VAV2: variants seen among roughly 807,000 people sequenced by gnomAD.
VAV2 encodes vav guanine nucleotide exchange factor 2.
Under a neutral mutation model 132.5 loss-of-function variants are expected in VAV2, and 67 were observed. That is an observed-to-expected ratio of 0.51 (90% confidence interval 0.42 to 0.62). The LOEUF (loss-of-function observed/expected upper bound fraction) is 0.62, where lower values mean the gene tolerates loss of function less well. Ranked by LOEUF, VAV2 falls within the 20% of genes least tolerant of loss-of-function variation. VAV2 has a pLI of 0.00. For missense variants in VAV2, 938 were observed against 1,153.6 expected (o/e 0.81, Z 2.71); for synonymous variants, 492 against 443.5 (o/e 1.11, Z -1.37).
intron 2 of VAV2, among the ~76,000 whole-genome samples, chr9:133,893,783 G>A (rs1309189452): frequency 6.6e-6 from 1 of 152,212 alleles, no homozygotes; most frequent in Non-Finnish European, 1.5e-5. Flanking sequence ...CAGCATCGCA[G>A]CAAGTGGCAG....
rs1350326184 is a variant in VAV2, at chr9:133,824,182, A to C, written c.449+10090T>G. On this transcript the variant is annotated intron_variant, in intron 4 of 29. Coordinates refer to ENST00000371850, the MANE Select transcript of VAV2 (RefSeq NM_001134398.2). This position sits in a 1 kb window ranked among gnomAD's most constrained non-coding sequence, Gnocchi z 5.2. ...GTCTCCACAGCCAGCCCCACAGGGA[A>C]GTGCTGATGGCTCTGTTAACAGGGA... 6.6e-6 allele frequency among the ~76,000 whole-genome samples: 1 copy of C among 152,090 alleles called. No individual in the cohort carries two copies. Among genetic ancestry groups the C allele is most frequent in the Non-Finnish European group, 1.5e-5 (1 of 68,002 alleles).
rs549641311 is a variant in VAV2, at chr9:133,803,983, C to T, written c.836+2098G>A. ...CACGTCCTCCGCTGTGCAGCCCTCACGGGTCTCCTGGGCTCTCCAGCAACG... is the reference window on the plus strand; with the variant it reads ...CACGTCCTCCGCTGTGCAGCCCTCATGGGTCTCCTGGGCTCTCCAGCAACG... On this transcript the variant is annotated intron_variant, in intron 9 of 29. Transcript: ENST00000371850. Among the ~76,000 whole-genome samples, 6 of 152,274 alleles carry T rather than the reference C, an allele frequency of 3.9e-5. No individual in the cohort carries two copies. The South Asian group carries it at 6.2e-4, about 16-fold the overall frequency.
At chr9:133,892,626 G>T (rs1002939140) in intron 2 of VAV2, among the ~76,000 whole-genome samples, 1 of 152,126 alleles carries the variant, frequency 6.6e-6, no homozygotes, top group Non-Finnish European at 1.5e-5. Context: ...CTCCGTGCCT[G>T]AATCGGGCGT....
In VAV2 at chr9:133,919,873, C is replaced by T. The variant is rs532747092; in HGVS notation, c.321+19230G>A. On this transcript the variant is annotated intron_variant, in intron 2 of 29. Transcript: ENST00000371850. This position sits in a 1 kb window ranked among gnomAD's most constrained non-coding sequence, Gnocchi z 5.8. The stretch of plus-strand genomic sequence containing the variant: ...ACCCACCACCCAACCGCATGTCCTC[C>T]GCGGAGCCCAGAGTCAGTTCTGCTG... 1.2e-4 allele frequency among the ~76,000 whole-genome samples: 19 copies of T among 152,296 alleles called. No homozygotes were observed. In the South Asian group the frequency reaches 1.5e-3, roughly 12 times the overall value.
Position 133,823,903 on chromosome 9 carries a change from G to A in VAV2, c.449+10369C>T, listed in dbSNP as rs1235510597. ...AATGCGGAGCGGGCAGGGTGGTCAC[G>A]CGCACCTGCTCTGCGTGCGTCAGAG... is the stretch of plus-strand genomic sequence containing the variant. On this transcript the variant is annotated intron_variant, in intron 4 of 29. Coordinates refer to ENST00000371850, the MANE Select transcript of VAV2 (RefSeq NM_001134398.2). The surrounding 1 kb of genome is among the most constrained non-coding windows in gnomAD (Gnocchi z 5.5). Among the ~76,000 whole-genome samples the A allele has an allele frequency of 2.0e-5, 3 of 152,150 alleles. No individual in the cohort carries two copies. The highest frequency in any genetic ancestry group is 2.9e-5 in the Non-Finnish European group (2 of 68,020).
At chr9:133,896,973 A>G (rs1273905523) in intron 2 of VAV2, among the ~76,000 whole-genome samples, 2 of 152,014 alleles carry the variant, frequency 1.3e-5, no homozygotes, top group African/African-American at 2.4e-5. Context: ...GGGCGCCTGT[A>G]GTCCCAGCTA....
intron 2 of VAV2, among the ~76,000 whole-genome samples, chr9:133,906,532 C>A (rs1839660434): frequency 6.6e-6 from 1 of 152,206 alleles, no homozygotes; most frequent in Non-Finnish European, 1.5e-5. Context: ...GACGTGGGAG[C>A]CACTGGGCCC....
chr9:133,880,803 C>T (rs1247783550), intron 2 of VAV2, among the ~76,000 whole-genome samples: 2 of 152,228 alleles, frequency 1.3e-5, no homozygotes, highest in Non-Finnish European at 2.9e-5. Flanking sequence ...TCTAAAACTG[C>T]TCTAAAATAT....
intron 6 of VAV2, 118 bp from the exon 7 acceptor site, chr9:133,809,256 G>T: frequency 1.3e-6 from 1 of 795,962 alleles, no homozygotes; most frequent in Non-Finnish European, 2.1e-6. Context: ...GTTTGGCCAC[G>T]AGGTCACTGA....
intron 3 of VAV2, among the ~76,000 whole-genome samples, chr9:133,841,949 T>G (rs996748096): frequency 7.0e-6 from 1 of 143,006 alleles, no homozygotes; most frequent in African/African-American, 2.9e-5. Flanking sequence ...TGGATCACAA[T>G]TGGAAAAGCG....
intron 15 of VAV2, among the ~76,000 whole-genome samples, chr9:133,787,774 C>A (rs113352719): frequency 2.6e-5 from 4 of 152,260 alleles, no homozygotes; most frequent in African/African-American, 9.6e-5. Context: ...TGGCCCCACC[C>A]GCTGGCAGCC....
chr9:133,920,715 CTG>C (rs1331383979), intron 2 of VAV2, among the ~76,000 whole-genome samples: 2 of 152,054 alleles, frequency 1.3e-5, no homozygotes, highest in Non-Finnish European at 1.5e-5. Context: ...GCGGGGGATG[CTG>C]TCTGTCACTG....
At chr9:133,878,765 G>A (rs902345315) in intron 2 of VAV2, among the ~76,000 whole-genome samples, 25 of 152,304 alleles carry the variant, frequency 1.6e-4, no homozygotes, top group African/African-American at 5.5e-4. Flanking sequence ...AGGGGGTCCC[G>A]ATCCAGCCAG....
intron 5 of VAV2, among the ~76,000 whole-genome samples, chr9:133,811,285 G>GT (rs1405087305): frequency 1.3e-5 from 2 of 152,278 alleles, no homozygotes; most frequent in African/African-American, 2.4e-5. Context: ...TGCCAGCAGA[G>GT]TGGGCAAGGC....
At chr9:133,960,662 C>T (rs1479317653) in intron 1 of VAV2, among the ~76,000 whole-genome samples, 1 of 152,242 alleles carries the variant, frequency 6.6e-6, no homozygotes, top group Non-Finnish European at 1.5e-5. Flanking sequence ...CTGACTGGCA[C>T]AGAAAAGGGA....
chr9:133,877,884 C>A (rs1329498162), intron 2 of VAV2, among the ~76,000 whole-genome samples: 1 of 152,212 alleles, frequency 6.6e-6, no homozygotes, highest in Non-Finnish European at 1.5e-5. Flanking sequence ...CTTAGTAACT[C>A]GGTTATTAAG....
At position 133,885,741 on chromosome 9, in the gene VAV2, C is replaced by G. The variant is rs1838679179; in HGVS notation, c.322-24309G>C. On this transcript the variant is annotated intron_variant, in intron 2 of 29. Coordinates refer to ENST00000371850, the MANE Select transcript of VAV2 (RefSeq NM_001134398.2). The surrounding 1 kb of genome is among the most constrained non-coding windows in gnomAD (Gnocchi z 5.0). ...AGCTGCCCCAAGATGGAGGTGGGCA[C>G]ACGCTCCATGCCATCTCCCTGACCT... Among the ~76,000 whole-genome samples, 2 of 152,156 alleles carry G rather than the reference C, an allele frequency of 1.3e-5. No individual in the cohort carries two copies. The highest frequency in any genetic ancestry group is 2.9e-5 in the Non-Finnish European group (2 of 68,044).
chr9:133,922,768 GA>G (rs1840341645), intron 2 of VAV2, among the ~76,000 whole-genome samples: 1 of 152,124 alleles, frequency 6.6e-6, no homozygotes, highest in African/African-American at 2.4e-5. Flanking sequence ...AAACATAGGG[GA>G]AAAGTTTCAT....
At chr9:133,939,070 G>C in intron 2 of VAV2, 33 bp downstream of exon 2, 1 of 1,601,366 alleles carries the variant, frequency 6.2e-7, no homozygotes, top group Non-Finnish European at 8.6e-7. Flanking sequence ...CACCACAGCT[G>C]AGCGACCGAG....
Sources: gnomAD v4.1 joint callset for allele counts (sites outside exome capture counted in the v4.1 genomes callset) on GRCh38, gnomAD v4.1.1 for gene constraint, Gnocchi (gnomAD v3.1) non-coding constraint, MANE v1.5 for transcripts, NCBI Gene and HGNC (gene_info 2026-07-23, HGNC 2026-07-21) for gene names.